The following ADAMTS2 variants were observed in gnomAD, a reference collection of about 807,000 sequenced individuals.
ADAMTS2 encodes the protein ADAM metallopeptidase with thrombospondin type 1 motif 2, also known as A disintegrin and metalloproteinase with thrombospondin motifs 2.
A neutral mutation model predicts 123.0 loss-of-function variants in ADAMTS2; 50 were observed. That is an observed-to-expected ratio of 0.41 (90% confidence interval 0.32 to 0.51). ADAMTS2 has a LOEUF of 0.51. ADAMTS2 is among the 20% of genes least tolerant of loss of function. ADAMTS2 has a pLI of 0.35. For missense variants in ADAMTS2, 1,494 were observed against 1,705.2 expected, an observed-to-expected ratio of 0.88 and a Z score of 2.18; for synonymous variants, 678 against 695.4, an observed-to-expected ratio of 0.98 and a Z score of 0.39.
intron 4 of ADAMTS2, among the ~76,000 whole-genome samples, chr5:179,184,386 T>G (rs1764118181): frequency 6.6e-6 from 1 of 151,840 alleles, no homozygotes; most frequent in Admixed American, 6.6e-5. Flanking sequence ...TGGCGAGCGC[T>G]TGTAATCCCA....
intron 4 of ADAMTS2, among the ~76,000 whole-genome samples, chr5:179,204,821 C>T (rs1275904994): frequency 6.6e-6 from 1 of 152,196 alleles, no homozygotes; most frequent in South Asian, 2.1e-4. Flanking sequence ...GTCTCCCACG[C>T]CCCGGGACTC....
At chr5:179,131,306 CAA>C (rs553125844) in intron 15 of ADAMTS2, among the ~76,000 whole-genome samples, 1,021 of 22,340 alleles carry the variant, frequency 0.046, 4 homozygotes, top group African/African-American at 0.13. Context: ...GAGCGAGACT[CAA>C]AAAAAAAAAA....
intron 3 of ADAMTS2, among the ~76,000 whole-genome samples, chr5:179,208,428 A>G (rs1162936829): frequency 6.6e-6 from 1 of 152,108 alleles, no homozygotes; most frequent in South Asian, 2.1e-4. Context: ...TGAATTGTGC[A>G]GAGACCAAGA....
Position 179,202,957 on chromosome 5 carries a change from G to A in ADAMTS2, c.891+4556C>T, listed in dbSNP as rs1423374177. Among the ~76,000 whole-genome samples the A allele has an allele frequency of 6.6e-6, 1 of 152,216 alleles. No individual in the cohort carries two copies. The highest frequency in any genetic ancestry group is 1.5e-5 in the Non-Finnish European group (1 of 68,036). ...CACCAGCTACAAGGGAGACTGGGGA[G>A]GGGAGCACAGGGGTGATCGATGAGG... On this transcript the variant is annotated intron_variant, in intron 4 of 21. Transcript: ENST00000251582. This position sits in a 1 kb window ranked among gnomAD's most constrained non-coding sequence, Gnocchi z 4.0.
At chr5:179,222,037 G>A (rs933409133) in intron 3 of ADAMTS2, among the ~76,000 whole-genome samples, 3 of 152,134 alleles carry the variant, frequency 2.0e-5, no homozygotes, top group Non-Finnish European at 4.4e-5. Flanking sequence ...CCCCAGTGCA[G>A]CCGCCACTCT....
intron 2 of ADAMTS2, among the ~76,000 whole-genome samples, chr5:179,284,142 A>G (rs1467122339): frequency 6.6e-6 from 1 of 151,226 alleles, no homozygotes; most frequent in Non-Finnish European, 1.5e-5. Context: ...CAGCCTGGCC[A>G]ATATGGTGAA....
Position 179,317,495 on chromosome 5 carries a change from A to T in ADAMTS2, c.534+26272T>A, listed in dbSNP as rs1006467610. On this transcript the variant is annotated intron_variant, in intron 2 of 21. Transcript: ENST00000251582. The surrounding 1 kb of genome is among the most constrained non-coding windows in gnomAD (Gnocchi z 4.9). Reference sequence around the variant, plus strand: ...CAGGTGGGCGGAGGGTGCACTCATGAGACTTCTATAAGCACGGACCCAGAG... The same window carrying T: ...CAGGTGGGCGGAGGGTGCACTCATGTGACTTCTATAAGCACGGACCCAGAG... 6.6e-6 allele frequency among the ~76,000 whole-genome samples: 1 copy of T among 152,032 alleles called. No homozygotes were observed. The highest frequency in any genetic ancestry group is 2.4e-5 in the African/African-American group (1 of 41,378).
Position 179,312,475 on chromosome 5 carries a change from C to G in ADAMTS2, c.534+31292G>C, listed in dbSNP as rs997179762. 6.6e-6 allele frequency among the ~76,000 whole-genome samples: 1 copy of G among 152,156 alleles called. No homozygotes were observed. The highest frequency in any genetic ancestry group is 1.5e-5 in the Non-Finnish European group (1 of 68,036). On this transcript the variant is annotated intron_variant, in intron 2 of 21. Transcript: ENST00000251582. The surrounding 1 kb of genome is among the most constrained non-coding windows in gnomAD (Gnocchi z 4.2). ...TGCCTTCTTGAACCAGGGAGCAGAC[C>G]CTCACCACAACCATATGCACAGCTT...
At chr5:179,191,957 C>G (rs1020200301) in intron 4 of ADAMTS2, among the ~76,000 whole-genome samples, 73 of 152,196 alleles carry the variant, frequency 4.8e-4, no homozygotes, top group Non-Finnish European at 1.9e-4. Context: ...CTGGCAGAGG[C>G]TGTAGAGTGG....
intron 2 of ADAMTS2, among the ~76,000 whole-genome samples, chr5:179,287,406 G>A (rs547026772): frequency 3.5e-4 from 53 of 152,270 alleles, no homozygotes; most frequent in African/African-American, 1.2e-3. Context: ...GGACCCCTCC[G>A]CCAGCAGCAG....
intron 2 of ADAMTS2, among the ~76,000 whole-genome samples, chr5:179,322,177 C>T (rs563568327): frequency 2.6e-5 from 4 of 152,314 alleles, no homozygotes; most frequent in African/African-American, 9.6e-5. Context: ...GCACATACGA[C>T]AGTTTTTAAC....
rs1259389728 is a variant in ADAMTS2, at chr5:179,180,818, G to A, written c.975+254C>T. 6.6e-6 allele frequency among the ~76,000 whole-genome samples: 1 copy of A among 152,160 alleles called. No individual in the cohort carries two copies. Among genetic ancestry groups the A allele is most frequent in the East Asian group, 1.9e-4 (1 of 5,182 alleles). On this transcript the variant is annotated intron_variant, in intron 5 of 21. Transcript: ENST00000251582. The surrounding 1 kb of genome is among the most constrained non-coding windows in gnomAD (Gnocchi z 4.6). ...TGGTGCCTCCCTGTGTGGCCCCCGTGGCCTGGTATGTCTCTTCCTCTTGGG... is the reference window on the plus strand; with the variant it reads ...TGGTGCCTCCCTGTGTGGCCCCCGTAGCCTGGTATGTCTCTTCCTCTTGGG...
chr5:179,121,827 C>T (rs1194782384), intron 20 of ADAMTS2, 77 bp from the exon 21 acceptor site: 4 of 1,018,964 alleles, frequency 3.9e-6, no homozygotes, highest in Non-Finnish European at 5.7e-6. Flanking sequence ...GGCTCCGGGT[C>T]TCCCGGGGTC....
intron 3 of ADAMTS2, among the ~76,000 whole-genome samples, chr5:179,238,700 A>G (rs1765591537): frequency 6.6e-6 from 1 of 152,012 alleles, no homozygotes; most frequent in Non-Finnish European, 1.5e-5. Flanking sequence ...TGAGAAGGAA[A>G]ATGGAGGCCA....
intron 2 of ADAMTS2, among the ~76,000 whole-genome samples, chr5:179,328,419 A>C (rs1190456680): frequency 1.3e-5 from 2 of 152,232 alleles, no homozygotes; most frequent in Non-Finnish European, 2.9e-5. Context: ...TTGCTAAGAC[A>C]TGGGAAGATG....
intron 2 of ADAMTS2, among the ~76,000 whole-genome samples, chr5:179,324,413 C>A (rs1757260255): frequency 8.0e-6 from 1 of 125,740 alleles, no homozygotes. Context: ...TTTTTTGAGA[C>A]AGAGTCTCAC....
In ADAMTS2 at chr5:179,274,648, G is replaced by T. The variant is rs190297033; in HGVS notation, c.535-1584C>A. The stretch of plus-strand genomic sequence containing the variant: ...CCTTCTCCCTGACCCCAGGTGCTCG[G>T]TGAGCCCCATCCTGTTGCTGGCTGG... On this transcript the variant is annotated intron_variant, in intron 2 of 21. Transcript: ENST00000251582. Among the ~76,000 whole-genome samples, 548 of 152,364 alleles carry T rather than the reference G, an allele frequency of 3.6e-3. 2 individuals carry two copies. The highest frequency in any genetic ancestry group is 5.9e-3 in the Non-Finnish European group (399 of 68,034).
At chr5:179,288,522 CCCAG>C (rs1756091537) in intron 2 of ADAMTS2, among the ~76,000 whole-genome samples, 2 of 152,244 alleles carry the variant, frequency 1.3e-5, no homozygotes, top group African/African-American at 2.4e-5. Context: ...TCCCCACCCA[CCCAG>C]GGTGGCTCCG....
chr5:179,295,897 G>GT (rs1239596081), intron 2 of ADAMTS2, among the ~76,000 whole-genome samples: 1 of 152,218 alleles, frequency 6.6e-6, no homozygotes, highest in East Asian at 1.9e-4. Flanking sequence ...CAAGGGAGGC[G>GT]TGGAGACAGG....
Sources: allele counts gnomAD v4.1 joint callset (sites outside exome capture counted in the v4.1 genomes callset), GRCh38; gene constraint gnomAD v4.1.1; non-coding constraint Gnocchi (gnomAD v3.1); transcripts MANE v1.5; gene names NCBI Gene and HGNC (gene_info 2026-07-23, HGNC 2026-07-21).